Variants in TDRD15 observed in about 807,000 individuals in gnomAD.
TDRD15 encodes tudor domain containing 15.
For missense variants in TDRD15, 1,416 were observed against 904.7 expected (o/e 1.57, Z -7.25); for synonymous variants, 503 against 314.5 (o/e 1.60, Z -6.34).
At position 21,142,542 on chromosome 2, in the gene TDRD15, A is replaced by G. The variant is rs1665956284; in HGVS notation, c.5075A>G (p.Asn1692Ser). 1 of 704,220 alleles carries G rather than the reference A, an allele frequency of 1.4e-6. No homozygotes were observed. The allele number at this position is 704,220 out of a possible 1,614,324, so 43.6% of individuals were successfully genotyped here. A position where few individuals can be genotyped will look rare whatever the true frequency, so the allele number is the denominator to read the frequency against. Residue 1692 changes from asparagine (N) to serine (S), a missense_variant, in exon 4 of 4, where the codon AAT becomes AGT. Physicochemically the swap from Asn to Ser is conservative, Grantham distance 46 (BLOSUM62 1). Transcript: ENST00000405799. ...TTACTTTTGGAATACTTAAATTTGA[A>G]TACAGTTCCTGTTGAAGAAAACAAA... ...DLLLLEYLNLNTVPVEENKLR... is the reference protein window; with the variant it reads ...DLLLLEYLNLSTVPVEENKLR...
In TDRD15 at chr2:21,133,242, C is replaced by T. The variant is rs1665752889; in HGVS notation, c.-89-1520C>T. On this transcript the variant is annotated intron_variant, in intron 2 of 3. Coordinates refer to ENST00000405799, the MANE Select transcript of TDRD15 (RefSeq NM_001306137.2). ...ACCAAAGCACAGATGCTTCAACTTGCAGTCTTTTGGAACATAGTGACCTTG... is the reference window on the plus strand; with the variant it reads ...ACCAAAGCACAGATGCTTCAACTTGTAGTCTTTTGGAACATAGTGACCTTG... 3.9e-5 allele frequency among the ~76,000 whole-genome samples: 6 copies of T among 152,246 alleles called. No individual in the cohort carries two copies. The South Asian group carries it at 8.3e-4, about 21-fold the overall frequency.
chr2:21,126,035 T>G (rs1237627852), intron 1 of TDRD15, among the ~76,000 whole-genome samples: 1 of 152,182 alleles, frequency 6.6e-6, no homozygotes, highest in Non-Finnish European at 1.5e-5. Context: ...TGTGTCTGTG[T>G]GTCTTACAGC....
chr2:21,125,073 C>T (rs1665558046), intron 1 of TDRD15, among the ~76,000 whole-genome samples: 2 of 132,698 alleles, frequency 1.5e-5, no homozygotes, highest in African/African-American at 5.9e-5. Flanking sequence ...GAGAGAGACC[C>T]TAATGTCAGG....
At position 21,143,804 on chromosome 2, in the gene TDRD15, T is replaced by C. The variant is rs1373514194; in HGVS notation, c.*532T>C. On this transcript the variant is annotated 3_prime_UTR_variant, in exon 4 of 4. Coordinates refer to ENST00000405799, the MANE Select transcript of TDRD15 (RefSeq NM_001306137.2). ...TGTTGCAGGAAAACTTACTAGAAAATCTGGATAAACGGATGAACTGGAAGT... is the reference window on the plus strand; with the variant it reads ...TGTTGCAGGAAAACTTACTAGAAAACCTGGATAAACGGATGAACTGGAAGT... Among the ~76,000 whole-genome samples the C allele has an allele frequency of 6.6e-6, 1 of 151,732 alleles. No individual in the cohort carries two copies. Among genetic ancestry groups the C allele is most frequent in the Non-Finnish European group, 1.5e-5 (1 of 67,736 alleles).
rs545913710 is a variant in TDRD15, at chr2:21,130,021, TA to T, written c.-90+2311del. Among the ~76,000 whole-genome samples the T allele has an allele frequency of 6.3e-4, 96 of 152,192 alleles. 2 individuals carry two copies. In the South Asian group the frequency reaches 0.02, roughly 32 times the overall value. ...CCTCTTCTTATAAAACCACCAATCC[TA>T]CTCCCTGATAACCCGATAACCCATG... On this transcript the variant is annotated intron_variant, in intron 2 of 3. Coordinates refer to ENST00000405799, the MANE Select transcript of TDRD15 (RefSeq NM_001306137.2).
chr2:21,144,637 A>G (rs1020609218), downstream of TDRD15, among the ~76,000 whole-genome samples: 3 of 151,832 alleles, frequency 2.0e-5, no homozygotes, highest in Admixed American at 2.0e-4. Context: ...AGAGTCTTAT[A>G]TGTATTATCT....
intron 3 of TDRD15, 42 bp from the exon 4 acceptor site, chr2:21,137,423 T>C: frequency 1.7e-6 from 1 of 580,254 alleles, no homozygotes; most frequent in East Asian, 2.8e-5. Flanking sequence ...CTAATTGCAG[T>C]TAACTTTGAT....
rs374219247 is a variant in TDRD15 at position 21,137,727 on chromosome 2, A to G, written c.260A>G (p.Glu87Gly). The change falls in exon 4 of 4, where the codon GAA becomes GGA. Residue 87 changes from glutamate to glycine, a missense_variant. By Grantham distance (98) the Glu-to-Gly change is moderately conservative. Transcript: ENST00000405799. Reference protein sequence around the residue: ...QRGRVMEKKNELYTVLLIDRG... With the variant: ...QRGRVMEKKNGLYTVLLIDRG... The stretch of plus-strand genomic sequence containing the variant: ...GGAAGAGTCATGGAAAAGAAAAATG[A>G]ACTCTATACAGTGCTCCTCATAGAT... 4.8e-4 allele frequency: 342 copies of G among 715,564 alleles called. 2 individuals carry two copies. The South Asian group carries it at 4.8e-3, about 10-fold the overall frequency. The allele number at this position is 715,564 out of a possible 1,614,324, so 44.3% of individuals were successfully genotyped here.
At position 21,141,590 on chromosome 2, in the gene TDRD15, G is replaced by A. The variant is rs1258002117; in HGVS notation, c.4123G>A (p.Val1375Ile). ...KKILPGNSFE[V>I]EFIDYGNSAI... ...AATTTTGCCAGGAAATTCTTTTGAA[G>A]TAGAATTTATTGACTATGGTAACTC... Residue 1375 changes from valine (V) to isoleucine (I), a missense_variant, in exon 4 of 4, where the codon GTA (valine) becomes ATA (isoleucine). Physicochemically the swap from Val to Ile is conservative, Grantham distance 29. Coordinates refer to ENST00000405799, the MANE Select transcript of TDRD15 (RefSeq NM_001306137.2). 3 of 713,658 alleles carry A rather than the reference G, an allele frequency of 4.2e-6. No homozygotes were observed. Among genetic ancestry groups the A allele is most frequent in the Non-Finnish European group, 7.8e-6 (3 of 383,198 alleles). The allele number at this position is 713,658 out of a possible 1,614,324, so 44.2% of individuals were successfully genotyped here.
rs774727999 is a variant in TDRD15, at chr2:21,137,948, C to T, written c.481C>T (p.Pro161Ser). Residue 161 changes from proline (P) to serine (S), a missense_variant, in exon 4 of 4, where the codon CCT becomes TCT. Physicochemically the swap from Pro to Ser is moderately conservative, Grantham distance 74. Transcript: ENST00000405799. ...GAAAGGTTATGTGCAAGCTATTTTA[C>T]CTCTGCAAATGTTTCTTTTTGAAGT... Reference protein sequence around the residue: ...QVKGYVQAILPLQMFLFEVPK... With the variant: ...QVKGYVQAILSLQMFLFEVPK... 5.6e-6 allele frequency: 4 copies of T among 716,822 alleles called. No homozygotes were observed. The South Asian group carries it at 5.9e-5, about 11-fold the overall frequency. The allele number at this position is 716,822 out of a possible 1,614,324, so 44.4% of individuals were successfully genotyped here. A position where few individuals can be genotyped will look rare whatever the true frequency, so the allele number is the denominator to read the frequency against.
In TDRD15 at chr2:21,137,595, A is replaced by G; in HGVS notation, c.128A>G (p.Tyr43Cys). Residue 43 changes from tyrosine (Y) to cysteine (C), a missense_variant, in exon 4 of 4, where the codon TAC becomes TGC. Physicochemically the swap from Tyr to Cys is radical, Grantham distance 194 (BLOSUM62 -2). Coordinates refer to ENST00000405799, the MANE Select transcript of TDRD15 (RefSeq NM_001306137.2). ...AAGAGTAATGAATGTGAGTTTGACT[A>G]CCATGTATTGCAGAGAGAAATACAA... ...GIKSNECEFD[Y>C]HVLQREIQHT... The G allele has an allele frequency of 1.4e-6, 1 of 715,740 alleles. No individual in the cohort carries two copies. The highest frequency in any genetic ancestry group is 2.3e-4 in the Middle Eastern group (1 of 4,354). The allele number at this position is 715,740 out of a possible 1,614,324, so 44.3% of individuals were successfully genotyped here.
At chr2:21,125,724 C>T (rs1665576674) in intron 1 of TDRD15, among the ~76,000 whole-genome samples, 1 of 152,162 alleles carries the variant, frequency 6.6e-6, no homozygotes, top group Non-Finnish European at 1.5e-5. Flanking sequence ...CTTTTACCCT[C>T]TGGAACTCTT....
Position 21,142,553 on chromosome 2 carries a change from G to T in TDRD15, c.5086G>T (p.Val1696Phe). ...ATACTTAAATTTGAATACAGTTCCTGTTGAAGAAAACAAACTTAGACTTGC... is the reference window on the plus strand; with the variant it reads ...ATACTTAAATTTGAATACAGTTCCTTTTGAAGAAAACAAACTTAGACTTGC... The part of the protein sequence containing the change: ...LEYLNLNTVP[V>F]EENKLRLAEI... Residue 1696 changes from valine (V) to phenylalanine (F), a missense_variant, in exon 4 of 4, where the codon GTT (valine) becomes TTT (phenylalanine). Val to Phe is a conservative substitution (Grantham distance 50). Coordinates refer to ENST00000405799, the MANE Select transcript of TDRD15 (RefSeq NM_001306137.2). The T allele has an allele frequency of 1.4e-6, 1 of 707,340 alleles. No homozygotes were observed. The highest frequency in any genetic ancestry group is 2.6e-6 in the Non-Finnish European group (1 of 381,496). The allele number at this position is 707,340 out of a possible 1,614,324, so 43.8% of individuals were successfully genotyped here.
At chr2:21,124,636 A>T (rs1164746618) in intron 1 of TDRD15, among the ~76,000 whole-genome samples, 5 of 134,984 alleles carry the variant, frequency 3.7e-5, no homozygotes, top group Admixed American at 7.5e-5. Flanking sequence ...TGTGTGTGAC[A>T]GAGTGATCCT....
downstream of TDRD15, among the ~76,000 whole-genome samples, chr2:21,147,295 T>G (rs1482770559): frequency 6.6e-6 from 1 of 151,702 alleles, no homozygotes; most frequent in African/African-American, 2.4e-5. Flanking sequence ...ATAGGATTTA[T>G]GAGTAAGAGA....
chr2:21,133,695 T>G (rs899851569), intron 2 of TDRD15, among the ~76,000 whole-genome samples: 2 of 152,036 alleles, frequency 1.3e-5, no homozygotes, highest in Admixed American at 6.5e-5. Context: ...GAACTATTAT[T>G]TTACCTGCTT....
intron 3 of TDRD15, among the ~76,000 whole-genome samples, chr2:21,136,428 T>C (rs1572298174): frequency 6.6e-6 from 1 of 152,068 alleles, no homozygotes; most frequent in Non-Finnish European, 1.5e-5. Context: ...TCAGTTGTTA[T>C]GTTTTCACCT....
intron 1 of TDRD15, among the ~76,000 whole-genome samples, chr2:21,126,036 G>A (rs1175624353): frequency 6.6e-6 from 1 of 152,066 alleles, no homozygotes; most frequent in Non-Finnish European, 1.5e-5. Flanking sequence ...GTGTCTGTGT[G>A]TCTTACAGCT....
Position 21,137,574 on chromosome 2 carries a change from G to A in TDRD15, c.107G>A (p.Ser36Asn), listed in dbSNP as rs2103442797. 4.2e-6 allele frequency: 3 copies of A among 715,620 alleles called. No homozygotes were observed. Among genetic ancestry groups the A allele is most frequent in the Non-Finnish European group, 7.8e-6 (3 of 384,140 alleles). The allele number at this position is 715,620 out of a possible 1,614,324, so 44.3% of individuals were successfully genotyped here. ...DILVKFQGIK[S>N]NECEFDYHVL... The stretch of plus-strand genomic sequence containing the variant: ...CTGGTGAAATTTCAAGGCATAAAGA[G>A]TAATGAATGTGAGTTTGACTACCAT... Residue 36 changes from serine (S) to asparagine (N), a missense_variant, in exon 4 of 4, where the codon AGT becomes AAT. Coordinates refer to ENST00000405799, the MANE Select transcript of TDRD15 (RefSeq NM_001306137.2).
Sources: gnomAD v4.1 joint callset for allele counts (sites outside exome capture counted in the v4.1 genomes callset) on GRCh38, gnomAD v4.1.1 for gene constraint, MANE v1.5 for transcripts, NCBI Gene and HGNC (gene_info 2026-07-23, HGNC 2026-07-21) for gene names.